The following DYRK1A variants were observed in gnomAD, a reference collection of about 807,000 sequenced individuals.
The protein encoded by DYRK1A is dual specificity tyrosine-phosphorylation-regulated kinase 1A.
In DYRK1A, 9 loss-of-function variants were observed where a neutral mutation model predicts 79.7. The ratio of observed to expected loss-of-function variants is 0.11; its 90% CI spans 0.07 to 0.20. The LOEUF is 0.20. Among genes scored for constraint, DYRK1A ranks in the 10% least tolerant of loss-of-function variants. DYRK1A has a pLI of 1.00. For missense variants in DYRK1A, 622 were observed against 956.0 expected (o/e 0.65, Z 4.61); for synonymous variants, 349 against 329.7 (o/e 1.06, Z -0.63).
At chr21:37,491,812 T>A (rs1269117001) in intron 7 of DYRK1A, among the ~76,000 whole-genome samples, 5 of 152,222 alleles carry the variant, frequency 3.3e-5, no homozygotes, top group Admixed American at 3.3e-4. Flanking sequence ...ATGTATTTTG[T>A]CCTAATATTA....
In DYRK1A at chr21:37,366,967, C is replaced by G. The variant is rs1482170937; in HGVS notation, c.-738C>G. 6.3e-6 allele frequency: 1 copy of G among 159,088 alleles called. No individual in the cohort carries two copies. Among genetic ancestry groups the G allele is most frequent in the East Asian group, 1.9e-4 (1 of 5,318 alleles). 9.9% of individuals were successfully genotyped at this position (159,088 alleles called of 1,614,324 possible). On this transcript the variant is annotated 5_prime_UTR_variant, in exon 1 of 12. Coordinates refer to ENST00000647188, the MANE Select transcript of DYRK1A (RefSeq NM_001347721.2). Reference sequence around the variant, plus strand: ...AGGTCGGCCTCAGAGAGCGGACACCCCGAGCGGGGGGTGCGGGCGCCGCCG... The same window carrying G: ...AGGTCGGCCTCAGAGAGCGGACACCGCGAGCGGGGGGTGCGGGCGCCGCCG...
At chr21:37,451,799 A>T (rs1238753131) in intron 2 of DYRK1A, among the ~76,000 whole-genome samples, 2 of 152,186 alleles carry the variant, frequency 1.3e-5, no homozygotes, top group Admixed American at 1.3e-4. Context: ...AAGTGTTCTG[A>T]GGGAAGAATG....
chr21:37,366,959 C>G lies in DYRK1A; in HGVS notation c.-746C>G, dbSNP rs1014068878. ...CGCGGCCCAGGTCGGCCTCAGAGAG[C>G]GGACACCCCGAGCGGGGGGTGCGGG... is the stretch of plus-strand genomic sequence containing the variant. On this transcript the variant is annotated 5_prime_UTR_variant, in exon 1 of 12. Coordinates refer to ENST00000647188, the MANE Select transcript of DYRK1A (RefSeq NM_001347721.2). The G allele has an allele frequency of 1.3e-5, 2 of 157,778 alleles. No homozygotes were observed. The highest frequency in any genetic ancestry group is 2.8e-5 in the Non-Finnish European group (2 of 71,012). The allele number at this position is 157,778 out of a possible 1,614,324, so 9.8% of individuals were successfully genotyped here.
intron 1 of DYRK1A, among the ~76,000 whole-genome samples, chr21:37,370,720 C>T (rs984571085): frequency 6.6e-6 from 1 of 152,150 alleles, no homozygotes; most frequent in Non-Finnish European, 1.5e-5. Context: ...TTGTAGTAAT[C>T]ATAAGCAGTT....
At chr21:37,446,274 C>G (rs2051268058) in intron 2 of DYRK1A, among the ~76,000 whole-genome samples, 1 of 152,122 alleles carries the variant, frequency 6.6e-6, no homozygotes. Context: ...TAGCCATCTC[C>G]TAAGAAGTAT....
intron 2 of DYRK1A, among the ~76,000 whole-genome samples, chr21:37,426,612 G>GT (rs1410969003): frequency 1.3e-5 from 2 of 151,980 alleles, no homozygotes; most frequent in East Asian, 3.9e-4. Context: ...TCAAAAAACT[G>GT]TTTAAGATGA....
chr21:37,398,164 A>G (rs77541220), intron 1 of DYRK1A, among the ~76,000 whole-genome samples: 22,344 of 148,778 alleles, frequency 0.15, 1,809 homozygotes, highest in Middle Eastern at 0.17. Context: ...CCTGCAGTGT[A>G]CACACACACA....
intron 1 of DYRK1A, among the ~76,000 whole-genome samples, chr21:37,409,249 T>TA (rs948256386): frequency 1.3e-5 from 2 of 152,164 alleles, no homozygotes; most frequent in Non-Finnish European, 2.9e-5. Context: ...ATTGATCACT[T>TA]ACTGTGCACT....
In DYRK1A at chr21:37,519,420, G is replaced by A. The variant is rs1201629343; in HGVS notation, c.*6889G>A. On this transcript the variant is annotated 3_prime_UTR_variant, in exon 12 of 12. Coordinates refer to ENST00000647188, the MANE Select transcript of DYRK1A (RefSeq NM_001347721.2). ...TACCTATAGTGTCCACTTAGGAGAT[G>A]CTGTGCATGCCTCAGTGAGGTAATG... 2.0e-5 allele frequency: 3 copies of A among 152,384 alleles called. No individual in the cohort carries two copies. Among genetic ancestry groups the A allele is most frequent in the African/African-American group, 7.2e-5 (3 of 41,586 alleles). The allele number at this position is 152,384 out of a possible 1,614,324, so 9.4% of individuals were successfully genotyped here.
At position 37,520,844 on chromosome 21, in the gene DYRK1A, G is replaced by C. The variant is rs2053929899; in HGVS notation, c.*8313G>C. On this transcript the variant is annotated 3_prime_UTR_variant, in exon 12 of 12. Coordinates refer to ENST00000647188, the MANE Select transcript of DYRK1A (RefSeq NM_001347721.2). Reference sequence around the variant, plus strand: ...CGCTCACCGCTGGGTGAGATCTACAGGGCTCAGTGCGCTTGGAGTCCTGGA... The same window carrying C: ...CGCTCACCGCTGGGTGAGATCTACACGGCTCAGTGCGCTTGGAGTCCTGGA... 6.6e-6 allele frequency: 1 copy of C among 152,240 alleles called. No individual in the cohort carries two copies. Among genetic ancestry groups the C allele is most frequent in the Non-Finnish European group, 1.5e-5 (1 of 68,076 alleles). The allele number at this position is 152,240 out of a possible 1,614,324, so 9.4% of individuals were successfully genotyped here. A position where few individuals can be genotyped will look rare whatever the true frequency, so the allele number is the denominator to read the frequency against.
intron 4 of DYRK1A, among the ~76,000 whole-genome samples, chr21:37,479,479 C>A (rs2052521748): frequency 6.7e-6 from 1 of 149,212 alleles, no homozygotes; most frequent in African/African-American, 2.5e-5. Context: ...TGATGTTATT[C>A]CATGCAGTGT....
rs188342320 is a variant in DYRK1A at position 37,407,064 on chromosome 21, C to T, written c.-76-13235C>T. 1.5e-3 allele frequency among the ~76,000 whole-genome samples: 222 copies of T among 151,314 alleles called. 2 individuals are homozygous for T. The highest frequency in any genetic ancestry group is 2.3e-3 in the Non-Finnish European group (159 of 67,886). ...TTCTTCTGGACATTTTCCTTTGCGT[C>T]TTCATTTATATATAAGTGCTCATAT... On this transcript the variant is annotated intron_variant, in intron 1 of 11. Transcript: ENST00000647188.
chr21:37,470,447 T>C (rs893840778), intron 2 of DYRK1A, among the ~76,000 whole-genome samples: 1 of 152,220 alleles, frequency 6.6e-6, no homozygotes, highest in Non-Finnish European at 1.5e-5. Flanking sequence ...GTTTGGTGTG[T>C]GTCACAGGTT....
intron 1 of DYRK1A, among the ~76,000 whole-genome samples, chr21:37,411,902 C>T (rs1226192954): frequency 6.6e-6 from 1 of 152,088 alleles, no homozygotes; most frequent in Non-Finnish European, 1.5e-5. Context: ...CTGCATATTG[C>T]TTTACAACCC....
intron 1 of DYRK1A, among the ~76,000 whole-genome samples, chr21:37,381,090 T>G (rs2049648681): frequency 6.6e-6 from 1 of 152,226 alleles, no homozygotes; most frequent in South Asian, 2.1e-4. Flanking sequence ...TTGCTCTCTC[T>G]TGCAATCTCA....
At chr21:37,500,299 A>T (rs1030006767) in intron 9 of DYRK1A, among the ~76,000 whole-genome samples, 1 of 152,164 alleles carries the variant, frequency 6.6e-6, no homozygotes, top group East Asian at 1.9e-4. Context: ...TTGAATGTTA[A>T]GCCCCACCCT....
chr21:37,468,378 A>G (rs2052107230), intron 2 of DYRK1A, among the ~76,000 whole-genome samples: 1 of 152,114 alleles, frequency 6.6e-6, no homozygotes, highest in Non-Finnish European at 1.5e-5. Flanking sequence ...AAGCCCTGCA[A>G]TTACAGGCAT....
chr21:37,492,032 T>G (rs2053114237), intron 7 of DYRK1A, among the ~76,000 whole-genome samples: 1 of 152,098 alleles, frequency 6.6e-6, no homozygotes, highest in Non-Finnish European at 1.5e-5. Context: ...GATAGGGAGG[T>G]GACAAAGTTC....
chr21:37,380,231 C>T (rs199651264), intron 1 of DYRK1A, among the ~76,000 whole-genome samples: 2 of 151,928 alleles, frequency 1.3e-5, no homozygotes, highest in African/African-American at 4.8e-5. Flanking sequence ...TATTTTCCCT[C>T]GAAAAAAACA....
Sources: allele counts gnomAD v4.1 joint callset (sites outside exome capture counted in the v4.1 genomes callset), GRCh38; gene constraint gnomAD v4.1.1; transcripts MANE v1.5; gene names NCBI Gene and HGNC (gene_info 2026-07-23, HGNC 2026-07-21).